The following NUP107 variants were observed in gnomAD, a reference collection of about 807,000 sequenced individuals.
The protein encoded by NUP107 is nucleoporin 107.
Under a neutral mutation model 141.0 loss-of-function variants are expected in NUP107, and 101 were observed. The observed-to-expected ratio is 0.72, with a 90% CI of 0.61 to 0.84. The LOEUF (loss-of-function observed/expected upper bound fraction) is 0.84. Among genes scored for constraint, NUP107 ranks in the 40% least tolerant of loss-of-function variants. NUP107 has a pLI of 0.00. For synonymous variants in NUP107, 319 were observed against 363.9 expected (o/e 0.88, Z 1.41); for missense variants, 941 against 1,102.7 (o/e 0.85, Z 2.08).
At chr12:68,690,453 T>G (rs1875727023) in intron 3 of NUP107, 178 bp from the exon 4 acceptor site, 1 of 834,720 alleles carries the variant, frequency 1.2e-6, no homozygotes, top group Non-Finnish European at 1.8e-6. Context: ...AGCTCAAATT[T>G]AGAAAAATAA....
intron 10 of NUP107, among the ~76,000 whole-genome samples, chr12:68,710,959 A>T (rs1416032825): frequency 6.6e-6 from 1 of 151,870 alleles, no homozygotes; most frequent in African/African-American, 2.4e-5. Flanking sequence ...AGCTTTGGGG[A>T]AAAAAATGAA....
At chr12:68,699,744 A>G (rs1876236656) in intron 6 of NUP107, among the ~76,000 whole-genome samples, 1 of 152,188 alleles carries the variant, frequency 6.6e-6, no homozygotes, top group African/African-American at 2.4e-5. Flanking sequence ...TCATCTTGAC[A>G]AGATAATGAG....
intron 4 of NUP107, among the ~76,000 whole-genome samples, chr12:68,691,196 A>G (rs1245310974): frequency 1.3e-5 from 2 of 152,232 alleles, no homozygotes; most frequent in Non-Finnish European, 2.9e-5. Flanking sequence ...TGAAAACCTT[A>G]TGCATCTGAT....
intron 11 of NUP107, among the ~76,000 whole-genome samples, 178 bp from the exon 12 acceptor site, chr12:68,715,449 G>A (rs181809227): frequency 9.2e-5 from 14 of 152,216 alleles, no homozygotes; most frequent in African/African-American, 1.7e-4. Flanking sequence ...TGCTGAGATC[G>A]CGCCACTGCA....
In NUP107 at chr12:68,690,715, A is replaced by C. The variant is rs1309242640; in HGVS notation, c.272A>C (p.Gln91Pro). 1.2e-6 allele frequency: 2 copies of C among 1,614,194 alleles called. No individual in the cohort carries two copies. Among genetic ancestry groups the C allele is most frequent in the Admixed American group, 3.3e-5 (2 of 60,016 alleles). ...GGAGGGAAGTCGCCCCGACTTACGC[A>C]GTCTTCAGGGTTCTTTGGAAATCTC... is the stretch of plus-strand genomic sequence containing the variant. ...GTGGKSPRLT[Q>P]SSGFFGNLSM... Residue 91 changes from glutamine (Q) to proline (P), a missense_variant, in exon 4 of 28, where the codon CAG becomes CCG. Physicochemically the swap from Gln to Pro is moderately conservative, Grantham distance 76. Coordinates refer to ENST00000229179, the MANE Select transcript of NUP107 (RefSeq NM_020401.4).
At chr12:68,688,303 A>G (rs1875604787) in intron 1 of NUP107, among the ~76,000 whole-genome samples, 1 of 152,206 alleles carries the variant, frequency 6.6e-6, no homozygotes, top group Non-Finnish European at 1.5e-5. Context: ...GGAAAAGCAT[A>G]TTAGATTCTT....
In NUP107 at chr12:68,710,057, C is replaced by A; in HGVS notation, c.854C>A (p.Ser285Tyr). 6.3e-7 allele frequency: 1 copy of A among 1,595,520 alleles called. No individual in the cohort carries two copies. The highest frequency in any genetic ancestry group is 1.7e-5 in the Admixed American group (1 of 59,834). ...GCCAAAGATGAAATTGGAGAATTTT[C>A]TGATAATATTGAGTTTTATGCAAAA... Reference protein sequence around the residue: ...SIAKDEIGEFSDNIEFYAKSV... With the variant: ...SIAKDEIGEFYDNIEFYAKSV... The change falls in exon 10 of 28, where the codon TCT (serine) becomes TAT (tyrosine). Residue 285 changes from serine to tyrosine, a missense_variant. Ser to Tyr is a moderately radical substitution (Grantham distance 144). Transcript: ENST00000229179.
intron 2 of NUP107, 119 bp from the exon 3 acceptor site, chr12:68,689,414 C>G: frequency 1.6e-6 from 1 of 619,706 alleles, no homozygotes; most frequent in South Asian, 2.2e-5. Context: ...AAAATGGTAG[C>G]CCTAAAATAC....
chr12:68,700,408 A>G (rs1247911969), intron 6 of NUP107, among the ~76,000 whole-genome samples: 2 of 152,174 alleles, frequency 1.3e-5, no homozygotes, highest in African/African-American at 2.4e-5. Flanking sequence ...TTTTCCAGGT[A>G]TAGGTTTGAT....
rs1878419099 is a variant in NUP107, at chr12:68,743,958, A to T, written c.*1496A>T. 6.6e-6 allele frequency: 1 copy of T among 152,246 alleles called. No homozygotes were observed. The highest frequency in any genetic ancestry group is 2.4e-5 in the African/African-American group (1 of 41,456). 9.4% of individuals were successfully genotyped at this position (152,246 alleles called of 1,614,324 possible). A position where few individuals can be genotyped will look rare whatever the true frequency, so the allele number is the denominator to read the frequency against. ...ACTTTGCAAAAAATAAAAACAAAAA[A>T]TTCATACCAAAACAAATACAGACTA... On this transcript the variant is annotated 3_prime_UTR_variant, in exon 28 of 28. Transcript: ENST00000229179.
chr12:68,698,778 T>G (rs2468428), intron 6 of NUP107, among the ~76,000 whole-genome samples: 33,321 of 152,088 alleles, frequency 0.22, 4,279 homozygotes, highest in East Asian at 0.31. Flanking sequence ...TGCCAGGAGT[T>G]AGTTGCGAGG....
intron 17 of NUP107, 51 bp from the exon 18 acceptor site, chr12:68,725,676 T>C (rs755843257): frequency 8.6e-6 from 8 of 924,914 alleles, no homozygotes; most frequent in Non-Finnish European, 1.4e-5. Flanking sequence ...GAATATATAC[T>C]ACAGAATGAC....
At position 68,689,597 on chromosome 12, in the gene NUP107, T is replaced by G; in HGVS notation, c.165T>G (p.Thr55=). Residue 55 remains threonine (T), a synonymous_variant, in exon 3 of 28, where the codon ACT becomes ACG. Transcript: ENST00000229179. The part of the protein sequence containing the change: ...TTPRNQVIPR[T]PSSFRQPFTP... ...CAAGAAACCAGGTTATCCCTCGAAC[T>G]CCTAGCTCATTTCGACAGCCTTGTA... is the stretch of plus-strand genomic sequence containing the variant. 1 of 1,611,142 alleles carries G rather than the reference T, an allele frequency of 6.2e-7. No homozygotes were observed. Among genetic ancestry groups the G allele is most frequent in the Non-Finnish European group, 8.5e-7 (1 of 1,178,862 alleles).
At chr12:68,732,540 G>A in intron 22 of NUP107, 97 bp from the exon 23 acceptor site, 2 of 571,002 alleles carry the variant, frequency 3.5e-6, no homozygotes, top group South Asian at 2.9e-5. Context: ...GATGTTTACT[G>A]GAAGTACAGG....
At chr12:68,702,076 C>T (rs1222162497) in intron 7 of NUP107, among the ~76,000 whole-genome samples, 1 of 151,808 alleles carries the variant, frequency 6.6e-6, no homozygotes, top group Non-Finnish European at 1.5e-5. Context: ...GCAACCTCCG[C>T]CTCCCAGGTT....
At chr12:68,695,902 G>A (rs1453611961) in intron 5 of NUP107, among the ~76,000 whole-genome samples, 1 of 151,678 alleles carries the variant, frequency 6.6e-6, no homozygotes, top group Non-Finnish European at 1.5e-5. Flanking sequence ...AGCTACTGGG[G>A]AGGCTGAGGT....
chr12:68,687,224 C>T, intron 1 of NUP107, 151 bp downstream of exon 1: 1 of 1,149,854 alleles, frequency 8.7e-7, no homozygotes, highest in Non-Finnish European at 1.2e-6. Context: ...AATTTGGCCA[C>T]AAATGGGGAA....
chr12:68,715,830 C>T (rs556630665), intron 12 of NUP107, 90 bp downstream of exon 12: 1 of 680,162 alleles, frequency 1.5e-6, no homozygotes, highest in Non-Finnish European at 2.5e-6. Context: ...AGTAAGCCTT[C>T]TTAATGTAGT....
At chr12:68,727,227 A>G (rs1877602745) in intron 19 of NUP107, 124 bp from the exon 20 acceptor site, 7 of 502,270 alleles carry the variant, frequency 1.4e-5, no homozygotes, top group South Asian at 1.4e-4. Context: ...AGCTTGGTGT[A>G]TAGTTACTGC....
Sources: allele counts gnomAD v4.1 joint callset (sites outside exome capture counted in the v4.1 genomes callset), GRCh38; gene constraint gnomAD v4.1.1; transcripts MANE v1.5; gene names NCBI Gene and HGNC (gene_info 2026-07-23, HGNC 2026-07-21).